The following DACT3 variants were observed in gnomAD, a reference collection of about 807,000 sequenced individuals.
DACT3 encodes the protein dishevelled binding antagonist of beta catenin 3, also known as dapper homolog 3.
In DACT3, 5 loss-of-function variants were observed where a neutral mutation model predicts 19.6. The ratio of observed to expected loss-of-function variants is 0.26; its 90% CI spans 0.13 to 0.54. DACT3 has a LOEUF of 0.54. DACT3 is among the 20% of genes least tolerant of loss of function. The pLI is 0.95. For synonymous variants in DACT3, 454 were observed against 428.1 expected (o/e 1.06, Z -0.75); for missense variants, 908 against 927.4 (o/e 0.98, Z 0.27).
intron 1 of DACT3, among the ~76,000 whole-genome samples, chr19:46,657,249 G>T (rs2053039400): frequency 6.6e-6 from 1 of 151,944 alleles, no homozygotes. Context: ...GACCTTGGGT[G>T]GGTGACTTTA....
In DACT3 at chr19:46,661,173, C is replaced by T. The variant is rs1355655935; in HGVS notation, c.-109G>A. 6 of 1,206,026 alleles carry T rather than the reference C, an allele frequency of 5.0e-6. No individual in the cohort carries two copies. Among genetic ancestry groups the T allele is most frequent in the Non-Finnish European group, 5.3e-6 (5 of 935,074 alleles). 74.7% of individuals were successfully genotyped at this position (1,206,026 alleles called of 1,614,324 possible). Reference sequence around the variant, plus strand: ...GCCCGCCCGCTGGCCGGGCTGTCACCGTCTCATCTGCATAGGCGCCCGCCC... The same window carrying T: ...GCCCGCCCGCTGGCCGGGCTGTCACTGTCTCATCTGCATAGGCGCCCGCCC... On this transcript the variant is annotated 5_prime_UTR_variant, in exon 1 of 4. Coordinates refer to ENST00000391916, the MANE Select transcript of DACT3 (RefSeq NM_145056.3).
Position 46,648,238 on chromosome 19 carries a change from G to T in DACT3, c.*244C>A, listed in dbSNP as rs754551373. 5.2e-4 allele frequency: 308 copies of T among 590,722 alleles called. 1 individual carries two copies. Among genetic ancestry groups the T allele is most frequent in the Middle Eastern group, 5.1e-3 (11 of 2,166 alleles). The allele number at this position is 590,722 out of a possible 1,614,324, so 36.6% of individuals were successfully genotyped here. A position where few individuals can be genotyped will look rare whatever the true frequency, so the allele number is the denominator to read the frequency against. ...GAGGAAAGTGACGCCCAGAGAAGGGGAACTGTCTTGCCCAAGGGCTTCCAA... is the reference window on the plus strand; with the variant it reads ...GAGGAAAGTGACGCCCAGAGAAGGGTAACTGTCTTGCCCAAGGGCTTCCAA... On this transcript the variant is annotated 3_prime_UTR_variant, in exon 4 of 4. Transcript: ENST00000391916. This position sits in a 1 kb window ranked among gnomAD's most constrained non-coding sequence, Gnocchi z 5.1.
At chr19:46,652,530 C>T (rs982262146) in intron 3 of DACT3, 130 bp downstream of exon 3, 114 of 1,031,982 alleles carry the variant, frequency 1.1e-4, no homozygotes, top group Non-Finnish European at 1.5e-4. Flanking sequence ...AAGAGACCTG[C>T]TCATAACCAT....
At chr19:46,652,385 A>G (rs1412713661) in intron 3 of DACT3, 8 of 464,080 alleles carry the variant, frequency 1.7e-5, no homozygotes, top group Non-Finnish European at 3.0e-5. Context: ...GGGTTTCACT[A>G]TGTTGGCCAG....
In DACT3 at chr19:46,660,191, G is replaced by T. The variant is rs140134493; in HGVS notation, c.249+625C>A. On this transcript the variant is annotated intron_variant, in intron 1 of 3. Coordinates refer to ENST00000391916, the MANE Select transcript of DACT3 (RefSeq NM_145056.3). The surrounding 1 kb of genome is among the most constrained non-coding windows in gnomAD (Gnocchi z 4.9). Reference sequence around the variant, plus strand: ...AGAGCTGGGGCCAGGTAGGAAGCAGGGGAAGTGTCACCAAAGGGTCAAGAT... The same window carrying T: ...AGAGCTGGGGCCAGGTAGGAAGCAGTGGAAGTGTCACCAAAGGGTCAAGAT... Among the ~76,000 whole-genome samples, 521 of 152,278 alleles carry T rather than the reference G, an allele frequency of 3.4e-3. 5 individuals are homozygous for T. Among genetic ancestry groups the T allele is most frequent in the African/African-American group, 0.012 (495 of 41,558 alleles).
chr19:46,651,316 C>G (rs895528235), intron 3 of DACT3: 1 of 152,032 alleles, frequency 6.6e-6, no homozygotes, highest in Admixed American at 6.6e-5. Context: ...CTCCAGACCT[C>G]GTGATCTGCC....
rs2052998373 is a variant in DACT3 at position 46,652,816 on chromosome 19, A to C, written c.347-4T>G. 5 of 1,548,158 alleles carry C rather than the reference A, an allele frequency of 3.2e-6. No individual in the cohort carries two copies. Among genetic ancestry groups the C allele is most frequent in the South Asian group, 1.2e-5 (1 of 83,960 alleles). On this transcript the variant is annotated splice_region_variant and splice_polypyrimidine_tract_variant and intron_variant, in intron 2 of 3. Transcript: ENST00000391916. ...GAGCTGGGATCTTCATAGAAGCCTA[A>C]ATTTCCAGGAGAAGCAGAGAGACTT...
In DACT3 at chr19:46,648,317, G is replaced by A; in HGVS notation, c.*165C>T. 2.5e-6 allele frequency: 3 copies of A among 1,182,290 alleles called. No homozygotes were observed. The highest frequency in any genetic ancestry group is 3.6e-6 in the Non-Finnish European group (3 of 841,500). 73.2% of individuals were successfully genotyped at this position (1,182,290 alleles called of 1,614,324 possible). On this transcript the variant is annotated 3_prime_UTR_variant, in exon 4 of 4. Transcript: ENST00000391916. The surrounding 1 kb of genome is among the most constrained non-coding windows in gnomAD (Gnocchi z 5.1). ...CTCCTCCCCATTCCTCTCGGTGGTGGTGGGGGAGCCTTTTCAACCAAGACT... is the reference window on the plus strand; with the variant it reads ...CTCCTCCCCATTCCTCTCGGTGGTGATGGGGGAGCCTTTTCAACCAAGACT...
rs1297853347 is a variant in DACT3, at chr19:46,648,710, C to T, written c.1662G>A (p.Glu554=). The change falls in exon 4 of 4, where the codon GAG becomes GAA. Residue 554 remains glutamate, a synonymous_variant. Coordinates refer to ENST00000391916, the MANE Select transcript of DACT3 (RefSeq NM_145056.3). This position sits in a 1 kb window ranked among gnomAD's most constrained non-coding sequence, Gnocchi z 5.1. ...GYGESESSAS[E]GESPAFSSAS... ...CAGAGCTGAAGGCAGGCGATTCTCC[C>T]TCGCTGGCGCTCGATTCGCTCTCCC... The T allele has an allele frequency of 1.2e-6, 2 of 1,607,082 alleles. No individual in the cohort carries two copies. The highest frequency in any genetic ancestry group is 4.5e-5 in the East Asian group (2 of 44,832).
At chr19:46,654,990 C>T (rs1221725828) in intron 1 of DACT3, 1 of 985,220 alleles carries the variant, frequency 1.0e-6, no homozygotes. Context: ...TTGAGCGGAA[C>T]TCAAAAAAGC....
At chr19:46,657,691 A>G (rs1225018565) in intron 1 of DACT3, among the ~76,000 whole-genome samples, 5 of 151,648 alleles carry the variant, frequency 3.3e-5, no homozygotes, top group African/African-American at 1.2e-4. Flanking sequence ...GCCAGTTTGT[A>G]TGATTACAGG....
intron 3 of DACT3, chr19:46,652,099 G>A (rs1461901067): frequency 6.5e-6 from 1 of 153,188 alleles, no homozygotes; most frequent in African/African-American, 2.4e-5. Flanking sequence ...TTACCATATT[G>A]GTCAGGTTGG....
chr19:46,649,490 C>T lies in DACT3; in HGVS notation c.882G>A (p.Pro294=), dbSNP rs2052957687. 2 of 1,127,738 alleles carry T rather than the reference C, an allele frequency of 1.8e-6. No homozygotes were observed. The highest frequency in any genetic ancestry group is 3.8e-4 in the Middle Eastern group (1 of 2,640). The allele number at this position is 1,127,738 out of a possible 1,614,324, so 69.9% of individuals were successfully genotyped here. Residue 294 remains proline (P), a synonymous_variant, in exon 4 of 4, where the codon CCG becomes CCA. Coordinates refer to ENST00000391916, the MANE Select transcript of DACT3 (RefSeq NM_145056.3). ...GCGCGGGTCGCGCGCTGCCGGGGGA[C>T]GGAGACGCGTCGGGCGGCCGCTGGC... ...SVRQRPPDAS[P]SPGSARPARE...
chr19:46,654,837 C>A, intron 1 of DACT3: 1 of 984,634 alleles, frequency 1.0e-6, no homozygotes, highest in Non-Finnish European at 1.2e-6. Flanking sequence ...CCGCCCCATC[C>A]CAGTCTCTCC....
At position 46,653,017 on chromosome 19, in the gene DACT3, T is replaced by A; in HGVS notation, c.308A>T (p.Glu103Val). The A allele has an allele frequency of 4.5e-6, 7 of 1,551,440 alleles. No homozygotes were observed. The highest frequency in any genetic ancestry group is 6.1e-6 in the Non-Finnish European group (7 of 1,146,968). ...GCTCTCCTGTTCCAGGCCCCCAGAC[T>A]CCAGGCTCAGGTCTCCCAGCTGCTG... Reference protein sequence around the residue: ...LGQQLGDLSLESGGLEQESGR... With the variant: ...LGQQLGDLSLVSGGLEQESGR... Residue 103 changes from glutamate to valine, a missense_variant, in exon 2 of 4, where the codon GAG becomes GTG. This residue lies in a region of DACT3 where 252 missense variants were observed against 325.6 expected (regional missense o/e 0.77). Transcript: ENST00000391916.
At chr19:46,651,092 T>TTTATTTATTTAA (rs1262046383) in intron 3 of DACT3, 1 of 151,706 alleles carries the variant, frequency 6.6e-6, no homozygotes, top group Non-Finnish European at 1.5e-5. Flanking sequence ...TATTTATTTA[T>TTTATTTATTTAA]TTATTTTTTA....
At chr19:46,652,862 A>C in intron 2 of DACT3, 50 bp from the exon 3 acceptor site, 1 of 1,540,696 alleles carries the variant, frequency 6.5e-7, no homozygotes, top group South Asian at 1.2e-5. Context: ...GGGTGGGAAA[A>C]CCAGAGCTGG....
intron 1 of DACT3, among the ~76,000 whole-genome samples, chr19:46,658,267 C>T (rs1028559646): frequency 2.7e-5 from 4 of 149,750 alleles, no homozygotes; most frequent in African/African-American, 9.9e-5. Context: ...TGGCGGTGTG[C>T]ACCTGTAGTC....
At chr19:46,655,925 C>CTCTATATATA (rs980735397) in intron 1 of DACT3, among the ~76,000 whole-genome samples, 9 of 137,896 alleles carry the variant, frequency 6.5e-5, no homozygotes, top group African/African-American at 2.4e-4. Context: ...CTCTCTCTCT[C>CTCTATATATA]TATATATATA....
Sources: allele counts gnomAD v4.1 joint callset (sites outside exome capture counted in the v4.1 genomes callset), GRCh38; gene constraint gnomAD v4.1.1; regional missense constraint gnomAD v4.1.1; non-coding constraint Gnocchi (gnomAD v3.1); transcripts MANE v1.5; gene names NCBI Gene and HGNC (gene_info 2026-07-23, HGNC 2026-07-21).